The following MAN1A1 variants were observed in gnomAD, a reference collection of about 807,000 sequenced individuals.
MAN1A1 encodes mannosyl-oligosaccharide 1,2-alpha-mannosidase IA.
In MAN1A1, 29 loss-of-function variants were observed where a neutral mutation model predicts 70.8. That is an observed-to-expected ratio of 0.41 (90% CI 0.31 to 0.56). MAN1A1 has a LOEUF of 0.56. Among genes scored for constraint, MAN1A1 ranks in the 20% least tolerant of loss-of-function variants. The pLI, the probability that MAN1A1 is intolerant of heterozygous loss-of-function variation, is 0.29. For missense variants in MAN1A1, 747 were observed against 841.3 expected (o/e 0.89, Z 1.39); for synonymous variants, 349 against 330.1 (o/e 1.06, Z -0.62).
At chr6:119,292,432 C>A (rs1249600583) in intron 4 of MAN1A1, among the ~76,000 whole-genome samples, 2 of 151,924 alleles carry the variant, frequency 1.3e-5, no homozygotes, top group Admixed American at 6.6e-5. Context: ...TAAGCAACTA[C>A]TATGTGCCAG....
intron 2 of MAN1A1, among the ~76,000 whole-genome samples, chr6:119,323,992 TA>T (rs1773086408): frequency 1.3e-5 from 2 of 152,210 alleles, no homozygotes; most frequent in Non-Finnish European, 2.9e-5. Context: ...AAATTCCACA[TA>T]AGCAACTGTA....
chr6:119,205,111 G>C (rs532307175), intron 6 of MAN1A1, among the ~76,000 whole-genome samples: 103 of 152,318 alleles, frequency 6.8e-4, no homozygotes, highest in African/African-American at 2.5e-3. Flanking sequence ...AAGCTGCTGA[G>C]TACTTGCTGT....
chr6:119,251,113 G>A (rs777600616), intron 5 of MAN1A1, among the ~76,000 whole-genome samples: 3 of 151,862 alleles, frequency 2.0e-5, no homozygotes, highest in East Asian at 1.9e-4. Context: ...TGAAATGCAC[G>A]ATTTAAAAAA....
chr6:119,278,219 AC>A (rs1161881511), intron 5 of MAN1A1, among the ~76,000 whole-genome samples: 5 of 152,296 alleles, frequency 3.3e-5, no homozygotes, highest in Admixed American at 2.6e-4. Flanking sequence ...CAAACTGTCT[AC>A]ATTTATCTAT....
At chr6:119,262,101 G>A (rs527645907) in intron 5 of MAN1A1, among the ~76,000 whole-genome samples, 3 of 152,164 alleles carry the variant, frequency 2.0e-5, no homozygotes, top group East Asian at 1.9e-4. Context: ...ACCAAACACC[G>A]GCTGTCTATA....
At chr6:119,184,526 C>G (rs1194782652) in intron 11 of MAN1A1, among the ~76,000 whole-genome samples, 4 of 152,082 alleles carry the variant, frequency 2.6e-5, no homozygotes, top group African/African-American at 9.7e-5. Flanking sequence ...CACAGAGAAT[C>G]AGGCACCTTG....
At chr6:119,201,878 C>A (rs1379369923) in intron 7 of MAN1A1, among the ~76,000 whole-genome samples, 2 of 151,998 alleles carry the variant, frequency 1.3e-5, no homozygotes, top group Admixed American at 1.3e-4. Flanking sequence ...CATTTTATAA[C>A]CCTATACATA....
chr6:119,265,806 T>A (rs1775736835), intron 5 of MAN1A1, among the ~76,000 whole-genome samples: 1 of 152,030 alleles, frequency 6.6e-6, no homozygotes, highest in African/African-American at 2.4e-5. Flanking sequence ...AAATAAAAGG[T>A]ATACTGATTA....
chr6:119,220,755 C>T (rs1481957183), intron 6 of MAN1A1, among the ~76,000 whole-genome samples: 3 of 152,116 alleles, frequency 2.0e-5, no homozygotes, highest in African/African-American at 4.8e-5. Context: ...TCAGATACTA[C>T]AGGATGTCAT....
chr6:119,196,461 T>C (rs1445036962), intron 8 of MAN1A1, among the ~76,000 whole-genome samples: 2 of 152,166 alleles, frequency 1.3e-5, no homozygotes, highest in East Asian at 3.9e-4. Context: ...TCTTAGTGGA[T>C]GTCGGGGAGA....
chr6:119,294,182 T>C (rs1215574053), intron 4 of MAN1A1, among the ~76,000 whole-genome samples: 1 of 152,134 alleles, frequency 6.6e-6, no homozygotes, highest in East Asian at 1.9e-4. Context: ...CAACTTCCTT[T>C]GGGGCTTGAT....
intron 9 of MAN1A1, among the ~76,000 whole-genome samples, chr6:119,193,374 G>A (rs1175864098): frequency 1.3e-5 from 2 of 151,992 alleles, no homozygotes; most frequent in African/African-American, 4.8e-5. Flanking sequence ...ATTTATCTCT[G>A]GGGACAAGTT....
chr6:119,324,868 G>C (rs888176823), intron 2 of MAN1A1, among the ~76,000 whole-genome samples: 1 of 152,074 alleles, frequency 6.6e-6, no homozygotes, highest in East Asian at 1.9e-4. Context: ...CCTGTGTTTG[G>C]GGGGTTGGGG....
In MAN1A1 at chr6:119,193,856, T is replaced by C; in HGVS notation, c.1247A>G (p.Tyr416Cys). The C allele has an allele frequency of 2.5e-6, 4 of 1,613,432 alleles. No individual in the cohort carries two copies. The highest frequency in any genetic ancestry group is 2.2e-5 in the East Asian group (1 of 44,798). ...TAACCAGGCCTTCAGCAAATACTCA[T>C]AGAAGCTGTCTCCAAGTCCTCCAAC... ...VSVGGLGDSF[Y>C]EYLLKAWLMS... The change falls in exon 9 of 13, where the codon TAT becomes TGT. Residue 416 changes from tyrosine to cysteine, a missense_variant. Tyr to Cys is a radical substitution (Grantham distance 194). Around this residue, in one of 2 missense-constraint regions of MAN1A1, gnomAD observed 419 missense variants for 548.2 expected, o/e 0.76. Transcript: ENST00000368468.
At chr6:119,206,413 C>T (rs1269558071) in intron 6 of MAN1A1, among the ~76,000 whole-genome samples, 2 of 152,170 alleles carry the variant, frequency 1.3e-5, no homozygotes, top group Non-Finnish European at 2.9e-5. Flanking sequence ...AGAGAGAAAC[C>T]ATGAGGATTA....
intron 4 of MAN1A1, among the ~76,000 whole-genome samples, chr6:119,293,981 T>C (rs1014259435): frequency 3.3e-5 from 5 of 152,074 alleles, no homozygotes; most frequent in African/African-American, 9.7e-5. Flanking sequence ...GGTAACGCAC[T>C]CATCAGACAC....
At chr6:119,300,040 T>C (rs1772343797) in intron 4 of MAN1A1, among the ~76,000 whole-genome samples, 1 of 152,144 alleles carries the variant, frequency 6.6e-6, no homozygotes, top group Admixed American at 6.6e-5. Flanking sequence ...AGTAAGAAAC[T>C]TGGACACTAT....
At chr6:119,334,709 C>T (rs149309142) in intron 2 of MAN1A1, among the ~76,000 whole-genome samples, 38 of 152,338 alleles carry the variant, frequency 2.5e-4, no homozygotes, top group African/African-American at 8.4e-4. Context: ...AAAGCTGCAG[C>T]AGCTCTAATA....
chr6:119,187,417 T>C (rs1773319978), intron 11 of MAN1A1, among the ~76,000 whole-genome samples: 1 of 152,202 alleles, frequency 6.6e-6, no homozygotes, highest in Admixed American at 6.5e-5. Flanking sequence ...ACTGATTAAA[T>C]GTAATAAAAC....
Sources: gnomAD v4.1 joint callset for allele counts (sites outside exome capture counted in the v4.1 genomes callset) on GRCh38, gnomAD v4.1.1 for gene constraint, gnomAD v4.1.1 regional missense constraint, MANE v1.5 for transcripts, NCBI Gene and HGNC (gene_info 2026-07-23, HGNC 2026-07-21) for gene names.